The following CAB39 variants were observed in gnomAD, a reference collection of about 807,000 sequenced individuals.
CAB39 encodes calcium binding protein 39.
CAB39 carries 8 observed loss-of-function variants against 40.0 expected under a neutral mutation model. The observed-to-expected ratio is 0.20, with a 90% confidence interval of 0.12 to 0.36. CAB39 has a LOEUF of 0.36. Among genes scored for constraint, CAB39 ranks in the 10% least tolerant of loss-of-function variants. The pLI is 1.00. For missense variants in CAB39, 270 were observed against 401.1 expected, an observed-to-expected ratio of 0.67 and a Z score of 2.79; for synonymous variants, 156 against 141.6, an observed-to-expected ratio of 1.10 and a Z score of -0.72.
intron 2 of CAB39, 85 bp from the exon 3 acceptor site, chr2:230,790,787 G>A: frequency 1.7e-6 from 2 of 1,152,100 alleles, no homozygotes; most frequent in Non-Finnish European, 2.5e-6. Flanking sequence ...ATATAGAGAG[G>A]TGATTTGACA....
At chr2:230,787,270 T>C (rs573968343) in intron 2 of CAB39, among the ~76,000 whole-genome samples, 1 of 152,346 alleles carries the variant, frequency 6.6e-6, no homozygotes, top group South Asian at 2.1e-4. Context: ...AGATCATTAC[T>C]GAAAGGAGCA....
intron 3 of CAB39, among the ~76,000 whole-genome samples, chr2:230,791,626 G>T (rs1695893807): frequency 6.6e-6 from 1 of 152,158 alleles, no homozygotes; most frequent in African/African-American, 2.4e-5. Flanking sequence ...ATATAGTCCT[G>T]CTTGGCCCTT....
At chr2:230,814,583 CT>C (rs1696366612) in intron 7 of CAB39, among the ~76,000 whole-genome samples, 1 of 152,150 alleles carries the variant, frequency 6.6e-6, no homozygotes, top group South Asian at 2.1e-4. Context: ...AAGATTTAAA[CT>C]GTAGAACAAG....
At chr2:230,763,226 C>T (rs1695326350) in intron 2 of CAB39, among the ~76,000 whole-genome samples, 1 of 152,134 alleles carries the variant, frequency 6.6e-6, no homozygotes, top group South Asian at 2.1e-4. Context: ...TAATAGAAAA[C>T]AGCTGGCTTA....
intron 2 of CAB39, among the ~76,000 whole-genome samples, chr2:230,786,665 T>G (rs1695799743): frequency 6.6e-6 from 1 of 152,218 alleles, no homozygotes; most frequent in South Asian, 2.1e-4. Context: ...AAAACTTTGA[T>G]CTAACCAGAG....
intron 1 of CAB39, among the ~76,000 whole-genome samples, chr2:230,729,425 G>A (rs946719334): frequency 6.6e-6 from 1 of 152,128 alleles, no homozygotes; most frequent in Non-Finnish European, 1.5e-5. Flanking sequence ...TTAAACCTGG[G>A]AAAACCAAGA....
At chr2:230,720,966 C>G (rs1030726493) in intron 1 of CAB39, among the ~76,000 whole-genome samples, 1 of 152,122 alleles carries the variant, frequency 6.6e-6, no homozygotes, top group Non-Finnish European at 1.5e-5. Flanking sequence ...ATAAGTTTTT[C>G]CTATGTATGT....
chr2:230,789,329 A>C (rs558097095), intron 2 of CAB39, among the ~76,000 whole-genome samples: 2 of 152,048 alleles, frequency 1.3e-5, no homozygotes, highest in Admixed American at 6.6e-5. Context: ...GAGTATTTTA[A>C]TGTCCTTGTT....
rs1248088370 is a variant in CAB39 at position 230,819,711 on chromosome 2, G to C, written c.*1007G>C. On this transcript the variant is annotated 3_prime_UTR_variant, in exon 9 of 9. Coordinates refer to ENST00000258418, the MANE Select transcript of CAB39 (RefSeq NM_016289.4). ...CCTTTGTATTCAGTTACCTAATGGGGTGCCATCAATAAGCTGCGATACAGC... is the reference window on the plus strand; with the variant it reads ...CCTTTGTATTCAGTTACCTAATGGGCTGCCATCAATAAGCTGCGATACAGC... The C allele has an allele frequency of 6.6e-6, 1 of 152,204 alleles. No individual in the cohort carries two copies. Among genetic ancestry groups the C allele is most frequent in the Admixed American group, 6.5e-5 (1 of 15,276 alleles). 9.4% of individuals were successfully genotyped at this position (152,204 alleles called of 1,614,324 possible).
intron 1 of CAB39, among the ~76,000 whole-genome samples, chr2:230,733,547 A>G (rs542422531): frequency 1.3e-5 from 2 of 152,310 alleles, no homozygotes; most frequent in South Asian, 4.1e-4. Flanking sequence ...AGGAGATTCT[A>G]AATGTAAACA....
Position 230,810,268 on chromosome 2 carries a change from A to T in CAB39, c.573A>T (p.Leu191Phe). 6.9e-7 allele frequency: 1 copy of T among 1,444,002 alleles called. No homozygotes were observed. The highest frequency in any genetic ancestry group is 9.5e-7 in the Non-Finnish European group (1 of 1,053,738). The allele number at this position is 1,444,002 out of a possible 1,614,324, so 89.4% of individuals were successfully genotyped here. A position where few individuals can be genotyped will look rare whatever the true frequency, so the allele number is the denominator to read the frequency against. ...ASDAFATFKD[L>F]LTRHKLLSAE... ...ATTTTTTTTTCTTTTTGTAGGATTT[A>T]CTTACAAGACATAAATTGCTCAGTG... Residue 191 changes from leucine (L) to phenylalanine (F), a missense_variant, in exon 6 of 9, where the codon TTA becomes TTT. Leu to Phe is a conservative substitution (Grantham distance 22). Transcript: ENST00000258418.
chr2:230,790,809 G>A (rs1029401853), intron 2 of CAB39, 63 bp from the exon 3 acceptor site: 6 of 1,400,466 alleles, frequency 4.3e-6, no homozygotes, highest in Admixed American at 2.0e-5. Context: ...ATTTTGACGT[G>A]TTATATGTTT....
At chr2:230,731,599 C>T (rs1694689961) in intron 1 of CAB39, among the ~76,000 whole-genome samples, 1 of 152,178 alleles carries the variant, frequency 6.6e-6, no homozygotes, top group Non-Finnish European at 1.5e-5. Flanking sequence ...AACGTCAGGG[C>T]TCAAGTAATC....
At chr2:230,735,107 A>G (rs1159787809) in intron 1 of CAB39, among the ~76,000 whole-genome samples, 1 of 152,068 alleles carries the variant, frequency 6.6e-6, no homozygotes, top group Non-Finnish European at 1.5e-5. Context: ...TAATTTCCTT[A>G]GAGAGTTTGG....
chr2:230,730,056 C>T (rs1044185202), intron 1 of CAB39, among the ~76,000 whole-genome samples: 1 of 152,136 alleles, frequency 6.6e-6, no homozygotes, highest in Non-Finnish European at 1.5e-5. Flanking sequence ...ACATATGAGC[C>T]TGCTACATAA....
In CAB39 at chr2:230,803,931, G is replaced by A. The variant is rs546438666; in HGVS notation, c.567+5034G>A. Among the ~76,000 whole-genome samples the A allele has an allele frequency of 3.3e-5, 5 of 152,240 alleles. No individual in the cohort carries two copies. The South Asian group carries it at 6.2e-4, about 19-fold the overall frequency. ...TTCATATGGAACCAAAAAAGAGCCCGCATTGCCAAGACAATCGTAAGCACA... is the reference window on the plus strand; with the variant it reads ...TTCATATGGAACCAAAAAAGAGCCCACATTGCCAAGACAATCGTAAGCACA... On this transcript the variant is annotated intron_variant, in intron 5 of 8. Transcript: ENST00000258418.
rs1280181675 is a variant in CAB39 at position 230,748,823 on chromosome 2, AAAAAAAAAATATATATAT to A, written c.-43-11134_-43-11117del. On this transcript the variant is annotated intron_variant, in intron 1 of 8. Transcript: ENST00000258418. ...TTCTATTTCCAAAAAGAAAAAAAAA[AAAAAAAAAATATATATAT>A]ATATATATATATATATATATATATA... Among the ~76,000 whole-genome samples the A allele has an allele frequency of 1.8e-3, 108 of 59,204 alleles. 3 individuals are homozygous for A. The highest frequency in any genetic ancestry group is 6.0e-3 in the African/African-American group (92 of 15,342). The allele number at this position is 59,204 out of a possible 152,430, so 38.8% of individuals were successfully genotyped here.
rs1280525632 is a variant in CAB39, at chr2:230,814,128, T to C, written c.693+14T>C. ...CAGTCACTGAAGGTATGACAGACCA[T>C]TTTGTATAGCTTATTTCTCTGTACC... On this transcript the variant is annotated intron_variant, in intron 7 of 8. Transcript: ENST00000258418. The C allele has an allele frequency of 7.6e-7, 1 of 1,314,058 alleles. No homozygotes were observed. Among genetic ancestry groups the C allele is most frequent in the Admixed American group, 2.0e-5 (1 of 48,892 alleles). The allele number at this position is 1,314,058 out of a possible 1,614,324, so 81.4% of individuals were successfully genotyped here.
At chr2:230,797,527 G>T (rs1473374014) in intron 4 of CAB39, among the ~76,000 whole-genome samples, 1 of 151,592 alleles carries the variant, frequency 6.6e-6, no homozygotes, top group South Asian at 2.1e-4. Flanking sequence ...GAAGCAGGGG[G>T]GTGGGGGTGA....
Sources: allele counts gnomAD v4.1 joint callset (sites outside exome capture counted in the v4.1 genomes callset), GRCh38; gene constraint gnomAD v4.1.1; transcripts MANE v1.5; gene names NCBI Gene and HGNC (gene_info 2026-07-23, HGNC 2026-07-21).